Variants in DNM3 observed in about 807,000 individuals in gnomAD.
DNM3 encodes dynamin-3.
Under a neutral mutation model 101.6 loss-of-function variants are expected in DNM3, and 47 were observed. The observed-to-expected ratio is 0.46, with a 90% CI of 0.37 to 0.59. The LOEUF is 0.59. Ranked by LOEUF, DNM3 falls within the 20% of genes least tolerant of loss-of-function variation. The pLI, the probability that DNM3 is intolerant of heterozygous loss-of-function variation, is 0.00. For missense variants in DNM3, 849 were observed against 1,085.7 expected (o/e 0.78, Z 3.06); for synonymous variants, 385 against 387.9 (o/e 0.99, Z 0.09).
chr1:172,317,658 C>T (rs371522809), intron 16 of DNM3, among the ~76,000 whole-genome samples: 3 of 152,236 alleles, frequency 2.0e-5, no homozygotes, highest in Admixed American at 6.5e-5. Context: ...ATAAATTTCT[C>T]GACACATACA....
At chr1:172,142,406 C>A (rs1056662272) in intron 14 of DNM3, among the ~76,000 whole-genome samples, 11 of 151,934 alleles carry the variant, frequency 7.2e-5, no homozygotes, top group African/African-American at 2.2e-4. Flanking sequence ...TAATTTAGCC[C>A]ATATAATTGA....
rs192186099 is a variant in DNM3, at chr1:172,235,276, G to A, written c.1660-18297G>A. Among the ~76,000 whole-genome samples the A allele has an allele frequency of 2.2e-4, 33 of 152,314 alleles. No homozygotes were observed. The East Asian group carries it at 6.2e-3, about 28-fold the overall frequency. On this transcript the variant is annotated intron_variant, in intron 14 of 20. Transcript: ENST00000627582. ...TATCATCACTGGTCATCAGAGAAAT[G>A]CAAATCAAAACCACAATGAGATACC...
At chr1:172,072,572 G>A (rs1178051866) in intron 11 of DNM3, among the ~76,000 whole-genome samples, 1 of 152,158 alleles carries the variant, frequency 6.6e-6, no homozygotes, top group African/African-American at 2.4e-5. Context: ...GTATATGTGA[G>A]AATAAATCAC....
At chr1:171,995,615 A>G (rs919341457) in intron 4 of DNM3, among the ~76,000 whole-genome samples, 3 of 152,114 alleles carry the variant, frequency 2.0e-5, no homozygotes, top group African/African-American at 7.2e-5. Flanking sequence ...TGTAATAACA[A>G]CAAACTTTTC....
chr1:172,250,197 A>C (rs2062114521), intron 14 of DNM3, among the ~76,000 whole-genome samples: 1 of 152,138 alleles, frequency 6.6e-6, no homozygotes, highest in South Asian at 2.1e-4. Flanking sequence ...AATGGTTACA[A>C]GTTTGAGAAA....
intron 13 of DNM3, among the ~76,000 whole-genome samples, chr1:172,098,122 C>T (rs1308832552): frequency 6.6e-6 from 1 of 152,076 alleles, no homozygotes; most frequent in African/African-American, 2.4e-5. Context: ...GAGCAGACAA[C>T]CGGTCTGACC....
intron 1 of DNM3, among the ~76,000 whole-genome samples, chr1:171,860,432 A>C (rs2034057652): frequency 6.6e-6 from 1 of 152,178 alleles, no homozygotes; most frequent in African/African-American, 2.4e-5. Context: ...CTGCCTTATT[A>C]ATGATTTTAT....
Position 172,411,686 on chromosome 1 carries a change from A to G in DNM3, c.*3845A>G, listed in dbSNP as rs1002745150. 2.0e-6 allele frequency: 2 copies of G among 985,294 alleles called. No individual in the cohort carries two copies. Among genetic ancestry groups the G allele is most frequent in the South Asian group, 9.4e-5 (2 of 21,286 alleles). The allele number at this position is 985,294 out of a possible 1,614,324, so 61.0% of individuals were successfully genotyped here. ...ACATTTTTCATTTGGCAAATGGCATAATTATTTGAAAGTGACAGGAATCTC... is the reference window on the plus strand; with the variant it reads ...ACATTTTTCATTTGGCAAATGGCATGATTATTTGAAAGTGACAGGAATCTC... On this transcript the variant is annotated 3_prime_UTR_variant, in exon 21 of 21. Coordinates refer to ENST00000627582, the MANE Select transcript of DNM3 (RefSeq NM_015569.5).
At chr1:172,351,728 C>A (rs1187931196) in intron 17 of DNM3, among the ~76,000 whole-genome samples, 3 of 152,158 alleles carry the variant, frequency 2.0e-5, no homozygotes, top group Non-Finnish European at 2.9e-5. Context: ...TTCTACCCAA[C>A]TAAAATGGAC....
chr1:172,044,565 G>T, intron 9 of DNM3, 113 bp downstream of exon 9: 1 of 824,974 alleles, frequency 1.2e-6, no homozygotes, highest in Non-Finnish European at 1.9e-6. Context: ...GAATACAGAG[G>T]TGGGAGTAAG....
chr1:172,098,971 G>A (rs1313331088), intron 13 of DNM3, among the ~76,000 whole-genome samples: 2 of 152,226 alleles, frequency 1.3e-5, no homozygotes, highest in African/African-American at 2.4e-5. Flanking sequence ...GTGATAGCAC[G>A]AATTCTCTTG....
At chr1:172,067,793 A>G (rs1427489925) in intron 10 of DNM3, among the ~76,000 whole-genome samples, 2 of 152,174 alleles carry the variant, frequency 1.3e-5, no homozygotes, top group Non-Finnish European at 2.9e-5. Flanking sequence ...GACATACACA[A>G]TTTCCATAGT....
chr1:172,052,764 A>C (rs895917501), intron 10 of DNM3, among the ~76,000 whole-genome samples: 1 of 152,074 alleles, frequency 6.6e-6, no homozygotes, highest in African/African-American at 2.4e-5. Flanking sequence ...GATCCCACAG[A>C]GCTTACTCCT....
intron 4 of DNM3, among the ~76,000 whole-genome samples, chr1:172,023,147 G>C (rs924557495): frequency 6.6e-6 from 1 of 152,040 alleles, no homozygotes; most frequent in Non-Finnish European, 1.5e-5. Flanking sequence ...TTTCTTGGTA[G>C]AGGAAGAAAT....
intron 20 of DNM3, chr1:172,389,033 A>C: frequency 3.5e-6 from 2 of 573,376 alleles, no homozygotes; most frequent in Non-Finnish European, 6.3e-6. Flanking sequence ...CACAGACTAA[A>C]TAGGACTAAA....
At chr1:171,985,719 G>A (rs1161372753) in intron 2 of DNM3, among the ~76,000 whole-genome samples, 3 of 152,294 alleles carry the variant, frequency 2.0e-5, no homozygotes, top group East Asian at 1.9e-4. Flanking sequence ...CATCCAAAAA[G>A]CTAGGTCATT....
intron 18 of DNM3, among the ~76,000 whole-genome samples, chr1:172,380,485 T>G (rs1411372407): frequency 6.6e-6 from 1 of 152,122 alleles, no homozygotes; most frequent in African/African-American, 2.4e-5. Flanking sequence ...CAAACAAGGT[T>G]AGCTGGATGC....
chr1:172,143,870 T>C (rs2057730539), intron 14 of DNM3, among the ~76,000 whole-genome samples: 1 of 152,126 alleles, frequency 6.6e-6, no homozygotes, highest in Non-Finnish European at 1.5e-5. Flanking sequence ...CTTGGCAGGT[T>C]CTTCTTTTAT....
chr1:172,400,563 T>A (rs2070401227), intron 20 of DNM3, among the ~76,000 whole-genome samples: 1 of 152,170 alleles, frequency 6.6e-6, no homozygotes, highest in South Asian at 2.1e-4. Flanking sequence ...TCTCACACTG[T>A]ATCCCTCTTG....
Sources: allele counts gnomAD v4.1 joint callset (sites outside exome capture counted in the v4.1 genomes callset), GRCh38; gene constraint gnomAD v4.1.1; transcripts MANE v1.5; gene names NCBI Gene and HGNC (gene_info 2026-07-23, HGNC 2026-07-21).